Variants in SNCB observed in about 807,000 individuals in gnomAD.
The protein encoded by SNCB is beta-synuclein.
SNCB carries 8 observed loss-of-function variants against 20.0 expected under a neutral mutation model. That is an observed-to-expected ratio of 0.40 (90% CI 0.24 to 0.72). The LOEUF is 0.72. Among genes scored for constraint, SNCB ranks in the 30% least tolerant of loss-of-function variants. The pLI, the probability that SNCB is intolerant of heterozygous loss-of-function variation, is 0.37. For synonymous variants in SNCB, 56 were observed against 65.4 expected, an observed-to-expected ratio of 0.86 and a Z score of 0.69; for missense variants, 125 against 168.0, an observed-to-expected ratio of 0.74 and a Z score of 1.41.
chr5:176,626,646 C>T lies in SNCB; in HGVS notation c.163+74G>A, dbSNP rs753229373. On this transcript the variant is annotated intron_variant, in intron 3 of 5. Coordinates refer to ENST00000393693, the MANE Select transcript of SNCB (RefSeq NM_003085.5). This position sits in a 1 kb window ranked among gnomAD's most constrained non-coding sequence, Gnocchi z 4.2. Reference sequence around the variant, plus strand: ...GCAGAAGCCTTGGGAGTCTCCCCCGCCCCCGCCCTCTGGTTCCCGGCCAGA... The same window carrying T: ...GCAGAAGCCTTGGGAGTCTCCCCCGTCCCCGCCCTCTGGTTCCCGGCCAGA... The T allele has an allele frequency of 6.4e-7, 1 of 1,573,440 alleles. No individual in the cohort carries two copies. The highest frequency in any genetic ancestry group is 8.7e-7 in the Non-Finnish European group (1 of 1,143,108).
At chr5:176,623,637 C>T (rs939282423) in intron 4 of SNCB, among the ~76,000 whole-genome samples, 3 of 152,266 alleles carry the variant, frequency 2.0e-5, no homozygotes, top group African/African-American at 7.2e-5. Context: ...CTCGAGCTGG[C>T]TACTGGTTAC....
rs1313907571 is a variant in SNCB, at chr5:176,624,813, AAAAAC to A, written c.282+1580_282+1584del. 1.7e-3 allele frequency among the ~76,000 whole-genome samples: 252 copies of A among 151,240 alleles called. 3 individuals are homozygous for A. The highest frequency in any genetic ancestry group is 5.9e-3 in the African/African-American group (242 of 41,102). Reference sequence around the variant, plus strand: ...GCAAAACTCCGTCTCAAAAAAAAAAAAAAACAAAAAAAAACAAATGGGAAGTCATA... The same window carrying A: ...GCAAAACTCCGTCTCAAAAAAAAAAAAAAAAAAAACAAATGGGAAGTCATA... On this transcript the variant is annotated intron_variant, in intron 4 of 5. Coordinates refer to ENST00000393693, the MANE Select transcript of SNCB (RefSeq NM_003085.5).
At chr5:176,627,014 G>A (rs1372625104) in intron 2 of SNCB, among the ~76,000 whole-genome samples, 1 of 152,166 alleles carries the variant, frequency 6.6e-6, no homozygotes, top group African/African-American at 2.4e-5. Flanking sequence ...TTGGCTGAGG[G>A]CCAGTGCTGT....
chr5:176,626,536 G>T lies in SNCB; in HGVS notation c.164-20C>A. The T allele has an allele frequency of 6.3e-7, 1 of 1,595,632 alleles. No individual in the cohort carries two copies. Among genetic ancestry groups the T allele is most frequent in the Non-Finnish European group, 8.6e-7 (1 of 1,163,132 alleles). On this transcript the variant is annotated intron_variant, in intron 3 of 5. Transcript: ENST00000393693. This position sits in a 1 kb window ranked among gnomAD's most constrained non-coding sequence, Gnocchi z 4.2. ...CAGCCACTGGAGCAGGGAGGGGGTT[G>T]AGGAAGGGGTTTGGGAGCCAGGGGG...
rs554959485 is a variant in SNCB at position 176,621,455 on chromosome 5, C to T, written c.283-152G>A. On this transcript the variant is annotated intron_variant, in intron 4 of 5. Transcript: ENST00000393693. The surrounding 1 kb of genome is among the most constrained non-coding windows in gnomAD (Gnocchi z 4.1). ...TAATTCAGTTATTTATTTGGAGTGC[C>T]TTGGAAGTGGGATGGAGGTGAAGGG... 164 of 710,686 alleles carry T rather than the reference C, an allele frequency of 2.3e-4. No homozygotes were observed. In the African/African-American group the frequency reaches 2.6e-3, roughly 11 times the overall value. The allele number at this position is 710,686 out of a possible 1,614,324, so 44.0% of individuals were successfully genotyped here.
chr5:176,628,563 G>A (rs1354135344), intron 2 of SNCB, among the ~76,000 whole-genome samples: 2 of 152,048 alleles, frequency 1.3e-5, no homozygotes, highest in Non-Finnish European at 2.9e-5. Flanking sequence ...CCTGCCCATC[G>A]CTCTGACCTC....
chr5:176,624,994 C>A (rs112958300), intron 4 of SNCB, among the ~76,000 whole-genome samples: 2 of 152,154 alleles, frequency 1.3e-5, no homozygotes, highest in African/African-American at 4.8e-5. Flanking sequence ...TCATGCTGAA[C>A]GTACACTGAT....
intron 4 of SNCB, among the ~76,000 whole-genome samples, chr5:176,622,267 G>T (rs1415255546): frequency 6.6e-6 from 1 of 152,192 alleles, no homozygotes; most frequent in Non-Finnish European, 1.5e-5. Flanking sequence ...GTGGGGAAAT[G>T]TTAGTTTGCC....
chr5:176,620,093 G>A lies in SNCB; in HGVS notation c.*718C>T, dbSNP rs930322943. Reference sequence around the variant, plus strand: ...CCAGAGGTGGCCAGTCTTGTACCTGGGCTGTGTGTGCCAGACCCCAAAGAG... The same window carrying A: ...CCAGAGGTGGCCAGTCTTGTACCTGAGCTGTGTGTGCCAGACCCCAAAGAG... On this transcript the variant is annotated 3_prime_UTR_variant, in exon 6 of 6. Transcript: ENST00000393693. This position sits in a 1 kb window ranked among gnomAD's most constrained non-coding sequence, Gnocchi z 4.5. 6.6e-6 allele frequency: 1 copy of A among 152,526 alleles called. No homozygotes were observed. 9.4% of individuals were successfully genotyped at this position (152,526 alleles called of 1,614,324 possible).
At position 176,626,686 on chromosome 5, in the gene SNCB, G is replaced by T; in HGVS notation, c.163+34C>A. The T allele has an allele frequency of 6.2e-7, 1 of 1,611,892 alleles. No homozygotes were observed. ...TCCCGGCCAGATCATCCGCCTAAGT[G>T]AGAGAAGGGCTGGTGCCAGGGCTGG... On this transcript the variant is annotated intron_variant, in intron 3 of 5. Coordinates refer to ENST00000393693, the MANE Select transcript of SNCB (RefSeq NM_003085.5). This position sits in a 1 kb window ranked among gnomAD's most constrained non-coding sequence, Gnocchi z 4.2.
rs145251301 is a variant in SNCB, at chr5:176,621,541, C to T, written c.283-238G>A. ...TGGAGTGGGAGCTGGCTCTCCACGC[C>T]GCTCCCCCAATGCCTGGCAGCCTCC... On this transcript the variant is annotated intron_variant, in intron 4 of 5. Transcript: ENST00000393693. This position sits in a 1 kb window ranked among gnomAD's most constrained non-coding sequence, Gnocchi z 4.1. Among the ~76,000 whole-genome samples, 7 of 152,332 alleles carry T rather than the reference C, an allele frequency of 4.6e-5. No homozygotes were observed. Among genetic ancestry groups the T allele is most frequent in the East Asian group, 3.9e-4 (2 of 5,172 alleles).
chr5:176,626,382 C>G lies in SNCB; in HGVS notation c.282+16G>C, dbSNP rs886452588. On this transcript the variant is annotated intron_variant, in intron 4 of 5. Coordinates refer to ENST00000393693, the MANE Select transcript of SNCB (RefSeq NM_003085.5). The surrounding 1 kb of genome is among the most constrained non-coding windows in gnomAD (Gnocchi z 4.2). ...TGTGTGTTTGCCTGCATGTGCGGGT[C>G]AGAAGGATCGCTTACCTTCAGATCA... 5.3e-6 allele frequency: 8 copies of G among 1,510,714 alleles called. No individual in the cohort carries two copies. The highest frequency in any genetic ancestry group is 6.4e-6 in the Non-Finnish European group (7 of 1,087,166). The allele number at this position is 1,510,714 out of a possible 1,614,324, so 93.6% of individuals were successfully genotyped here.
At chr5:176,624,214 C>T (rs1402825110) in intron 4 of SNCB, among the ~76,000 whole-genome samples, 1 of 152,198 alleles carries the variant, frequency 6.6e-6, no homozygotes, top group African/African-American at 2.4e-5. Flanking sequence ...CTTTTGCACC[C>T]CAGCTCGCAG....
Position 176,620,459 on chromosome 5 carries a change from C to A in SNCB, c.*352G>T. 1 of 340,430 alleles carries A rather than the reference C, an allele frequency of 2.9e-6. No homozygotes were observed. The highest frequency in any genetic ancestry group is 5.4e-6 in the Non-Finnish European group (1 of 184,730). 21.1% of individuals were successfully genotyped at this position (340,430 alleles called of 1,614,324 possible). A position where few individuals can be genotyped will look rare whatever the true frequency, so the allele number is the denominator to read the frequency against. On this transcript the variant is annotated 3_prime_UTR_variant, in exon 6 of 6. Coordinates refer to ENST00000393693, the MANE Select transcript of SNCB (RefSeq NM_003085.5). This position sits in a 1 kb window ranked among gnomAD's most constrained non-coding sequence, Gnocchi z 4.5. Reference sequence around the variant, plus strand: ...GGGTGCTCTGGGGCTGCCCGGGGGCCGCTTGGAGAGCCACTGTCGGGGATC... The same window carrying A: ...GGGTGCTCTGGGGCTGCCCGGGGGCAGCTTGGAGAGCCACTGTCGGGGATC...
chr5:176,625,341 T>C (rs2113395483), intron 4 of SNCB, among the ~76,000 whole-genome samples: 1 of 152,356 alleles, frequency 6.6e-6, no homozygotes, highest in East Asian at 1.9e-4. Flanking sequence ...TCAGACCTAC[T>C]GAATCAGAAA....
At position 176,629,562 on chromosome 5, in the gene SNCB, C is replaced by T; in HGVS notation, c.93G>A (p.Glu31=). 1.2e-6 allele frequency: 2 copies of T among 1,611,414 alleles called. No individual in the cohort carries two copies. Among genetic ancestry groups the T allele is most frequent in the Non-Finnish European group, 1.7e-6 (2 of 1,178,184 alleles). ...KTKQGVTEAA[E]KTKEGVLYVG... is the part of the protein sequence containing the mutation. ...CGTAGAGGACGCCCTCCTTGGTCTT[C>T]TCCGCCGCCTCGGTGACCCCCTGCT... The change falls in exon 2 of 6, where the codon GAG becomes GAA. Residue 31 remains glutamate, a synonymous_variant. Transcript: ENST00000393693. This position sits in a 1 kb window ranked among gnomAD's most constrained non-coding sequence, Gnocchi z 4.1.
intron 2 of SNCB, among the ~76,000 whole-genome samples, chr5:176,628,274 G>A (rs1329494413): frequency 6.6e-6 from 1 of 152,122 alleles, no homozygotes; most frequent in Non-Finnish European, 1.5e-5. Context: ...CCAGAGGCCA[G>A]CAGGAATGAA....
At chr5:176,624,822 A>AAC (rs1759840010) in intron 4 of SNCB, among the ~76,000 whole-genome samples, 1 of 151,730 alleles carries the variant, frequency 6.6e-6, no homozygotes, top group African/African-American at 2.4e-5. Flanking sequence ...AAAAAACAAA[A>AAC]AAAAACAAAT....
rs1321478520 is a variant in SNCB at position 176,621,790 on chromosome 5, C to G, written c.283-487G>C. On this transcript the variant is annotated intron_variant, in intron 4 of 5. Transcript: ENST00000393693. This position sits in a 1 kb window ranked among gnomAD's most constrained non-coding sequence, Gnocchi z 4.1. The stretch of plus-strand genomic sequence containing the variant: ...TGTGGCCTCGTTTCTTCAGCTGTTG[C>G]TATTTTAAGATAAGCTGGAAGCCAC... 6.6e-6 allele frequency among the ~76,000 whole-genome samples: 1 copy of G among 152,204 alleles called. No homozygotes were observed. The highest frequency in any genetic ancestry group is 1.5e-5 in the Non-Finnish European group (1 of 68,046).
Sources: allele counts gnomAD v4.1 joint callset (sites outside exome capture counted in the v4.1 genomes callset), GRCh38; gene constraint gnomAD v4.1.1; non-coding constraint Gnocchi (gnomAD v3.1); transcripts MANE v1.5; gene names NCBI Gene and HGNC (gene_info 2026-07-23, HGNC 2026-07-21).